The following LRMDA variants were observed in gnomAD, a reference collection of about 807,000 sequenced individuals.
The protein encoded by LRMDA is leucine rich melanocyte differentiation associated, also known as leucine-rich melanocyte differentiation-associated protein.
In LRMDA, 18 loss-of-function variants were observed where a neutral mutation model predicts 29.8. The observed-to-expected ratio is 0.60, with a 90% CI of 0.42 to 0.90. LRMDA has a LOEUF of 0.90. Among genes scored for constraint, LRMDA ranks in the 40% least tolerant of loss-of-function variants. LRMDA has a pLI of 0.00. For missense variants in LRMDA, 273 were observed against 273.9 expected (o/e 1.00, Z 0.02); for synonymous variants, 125 against 109.4 (o/e 1.14, Z -0.89).
At chr10:75,527,544 C>A (rs866032100) in intron 2 of LRMDA, among the ~76,000 whole-genome samples, 1 of 150,960 alleles carries the variant, frequency 6.6e-6, no homozygotes, top group South Asian at 2.1e-4. Flanking sequence ...TCTTCACTAA[C>A]CCTTGTTGTT....
chr10:75,916,511 A>G (rs1845937964), intron 2 of LRMDA, among the ~76,000 whole-genome samples: 1 of 152,184 alleles, frequency 6.6e-6, no homozygotes, highest in Non-Finnish European at 1.5e-5. Flanking sequence ...AAACAGAGTC[A>G]GACCTGCCAT....
rs543684408 is a variant in LRMDA, at chr10:75,472,822, C to A, written c.131+34328C>A. ...CCTGAGCTAGAGCAAAGCCCTACAT[C>A]TGTTCTTTGTCTTTGTTCTTCAGTT... On this transcript the variant is annotated intron_variant, in intron 2 of 6. Coordinates refer to ENST00000611255, the MANE Select transcript of LRMDA (RefSeq NM_001305581.2). Among the ~76,000 whole-genome samples, 11 of 152,326 alleles carry A rather than the reference C, an allele frequency of 7.2e-5. No individual in the cohort carries two copies. In the East Asian group the frequency reaches 1.5e-3, roughly 21 times the overall value.
At chr10:75,459,560 C>G (rs1844560408) in intron 2 of LRMDA, among the ~76,000 whole-genome samples, 1 of 152,158 alleles carries the variant, frequency 6.6e-6, no homozygotes, top group South Asian at 2.1e-4. Context: ...CAGCAGAATC[C>G]TTGTCAAACA....
intron 2 of LRMDA, among the ~76,000 whole-genome samples, chr10:75,755,621 G>C (rs765741667): frequency 2.0e-4 from 31 of 152,236 alleles, no homozygotes; most frequent in Non-Finnish European, 4.0e-4. Context: ...TTTAAGCTGA[G>C]ATCTGAGTGA....
chr10:75,780,848 G>A (rs1417263683), intron 2 of LRMDA, among the ~76,000 whole-genome samples: 1 of 152,188 alleles, frequency 6.6e-6, no homozygotes, highest in African/African-American at 2.4e-5. Context: ...CCCAGCAAGT[G>A]TTGTTGTGTC....
chr10:75,705,353 G>C (rs187535592), intron 2 of LRMDA, among the ~76,000 whole-genome samples: 124 of 152,316 alleles, frequency 8.1e-4, no homozygotes, highest in African/African-American at 3.0e-3. Context: ...CTGGGCAGTT[G>C]GGTGAGGAAA....
intron 2 of LRMDA, among the ~76,000 whole-genome samples, chr10:75,860,145 A>C (rs1436194647): frequency 6.6e-6 from 1 of 152,192 alleles, no homozygotes; most frequent in East Asian, 1.9e-4. Flanking sequence ...AAACTGGCTA[A>C]GAGTATTTCA....
chr10:76,372,585 G>A (rs1220994479), intron 6 of LRMDA, among the ~76,000 whole-genome samples: 1 of 130,094 alleles, frequency 7.7e-6, no homozygotes, highest in East Asian at 2.0e-4. Flanking sequence ...TTGCACTCCA[G>A]CCTGGGTGAC....
At chr10:75,493,292 C>G (rs902859735) in intron 2 of LRMDA, among the ~76,000 whole-genome samples, 18 of 150,578 alleles carry the variant, frequency 1.2e-4, no homozygotes. Flanking sequence ...GGAATTCTTA[C>G]AAGTTTTGGC....
chr10:76,404,254 C>T (rs1348804077), intron 6 of LRMDA, among the ~76,000 whole-genome samples: 1 of 152,106 alleles, frequency 6.6e-6, no homozygotes, highest in Non-Finnish European at 1.5e-5. Flanking sequence ...TTTGATGTAT[C>T]CAGTTGTAAG....
At chr10:76,359,313 G>A (rs1841280951) in intron 6 of LRMDA, among the ~76,000 whole-genome samples, 1 of 152,194 alleles carries the variant, frequency 6.6e-6, no homozygotes, top group African/African-American at 2.4e-5. Flanking sequence ...ACCTGAAGAA[G>A]ACATAGGAGA....
At chr10:76,119,027 A>G (rs1312330082) in intron 5 of LRMDA, among the ~76,000 whole-genome samples, 1 of 152,012 alleles carries the variant, frequency 6.6e-6, no homozygotes, top group African/African-American at 2.4e-5. Flanking sequence ...ATAATATGAC[A>G]CAAATTTCTT....
intron 5 of LRMDA, among the ~76,000 whole-genome samples, chr10:76,104,787 A>G (rs571371910): frequency 2.8e-4 from 43 of 151,746 alleles, no homozygotes; most frequent in Admixed American, 1.2e-3. Context: ...TTTGTGGCTC[A>G]CCCCCCATAT....
At chr10:76,073,285 T>A (rs1329452679) in intron 5 of LRMDA, among the ~76,000 whole-genome samples, 4 of 152,220 alleles carry the variant, frequency 2.6e-5, no homozygotes. Context: ...CTATGACACA[T>A]GTAGGGAATA....
chr10:75,542,896 C>T (rs1008661896), intron 2 of LRMDA, among the ~76,000 whole-genome samples: 3 of 152,180 alleles, frequency 2.0e-5, no homozygotes, highest in African/African-American at 7.2e-5. Flanking sequence ...TGCCACTGTC[C>T]GGCGCAGCCT....
chr10:76,405,781 A>T (rs903957817), intron 6 of LRMDA, among the ~76,000 whole-genome samples: 1 of 152,156 alleles, frequency 6.6e-6, no homozygotes, highest in Non-Finnish European at 1.5e-5. Flanking sequence ...ACATTAAAGA[A>T]TAATTTATTC....
chr10:76,396,224 G>A (rs1429849623), intron 6 of LRMDA, among the ~76,000 whole-genome samples: 1 of 152,176 alleles, frequency 6.6e-6, no homozygotes, highest in African/African-American at 2.4e-5. Context: ...GGGAGGCAGT[G>A]GGGGACAGAA....
At chr10:75,991,961 G>C (rs1223887309) in intron 2 of LRMDA, among the ~76,000 whole-genome samples, 1 of 152,204 alleles carries the variant, frequency 6.6e-6, no homozygotes, top group South Asian at 2.1e-4. Context: ...CCTTCACAGA[G>C]AGCCAAGAAG....
At chr10:75,870,983 T>G (rs181301625) in intron 2 of LRMDA, among the ~76,000 whole-genome samples, 5 of 152,358 alleles carry the variant, frequency 3.3e-5, no homozygotes, top group Admixed American at 3.3e-4. Flanking sequence ...ATGTATCTCC[T>G]CAACTCCAAA....
Sources: allele counts gnomAD v4.1 joint callset (sites outside exome capture counted in the v4.1 genomes callset), GRCh38; gene constraint gnomAD v4.1.1; transcripts MANE v1.5; gene names NCBI Gene and HGNC (gene_info 2026-07-23, HGNC 2026-07-21).